AK8: variants seen among roughly 807,000 people sequenced by gnomAD.
The protein encoded by AK8 is adenylate kinase 8.
In AK8, 44 loss-of-function variants were observed where a neutral mutation model predicts 54.6. That is an observed-to-expected ratio of 0.81 (90% CI 0.63 to 1.04). AK8 has a LOEUF of 1.04. Ranked by LOEUF, AK8 falls within the 50% of genes least tolerant of loss-of-function variation. The probability of loss-of-function intolerance (pLI) is 0.00; values close to 1 mark genes in which losing one functional copy is unlikely to be tolerated. For missense variants in AK8, 555 were observed against 613.6 expected (o/e 0.90, Z 1.01); for synonymous variants, 239 against 245.6 (o/e 0.97, Z 0.25).
chr9:132,757,225 C>T (rs903723784), intron 11 of AK8, among the ~76,000 whole-genome samples: 2 of 152,200 alleles, frequency 1.3e-5, no homozygotes, highest in Non-Finnish European at 2.9e-5. Context: ...GGGAGAGAAG[C>T]TTCCACAGCT....
intron 11 of AK8, among the ~76,000 whole-genome samples, chr9:132,787,479 C>T (rs1839763084): frequency 6.6e-6 from 1 of 152,116 alleles, no homozygotes; most frequent in Non-Finnish European, 1.5e-5. Flanking sequence ...AAATCATTTC[C>T]AGCCTATAGT....
At chr9:132,769,257 C>T (rs374167018) in intron 11 of AK8, 3 of 152,454 alleles carry the variant, frequency 2.0e-5, no homozygotes, top group African/African-American at 7.2e-5. Flanking sequence ...GCTCCAGACC[C>T]TTAGCCTCTC....
At position 132,770,002 on chromosome 9, in the gene AK8, G is replaced by A. The variant is rs1312761466; in HGVS notation, c.1121+22632C>T. 6.6e-6 allele frequency: 1 copy of A among 152,086 alleles called. No individual in the cohort carries two copies. The highest frequency in any genetic ancestry group is 2.1e-4 in the South Asian group (1 of 4,832). The allele number at this position is 152,086 out of a possible 1,614,324, so 9.4% of individuals were successfully genotyped here. A position where few individuals can be genotyped will look rare whatever the true frequency, so the allele number is the denominator to read the frequency against. ...CTTACAAGGCTAATTATTGTTGAGCGGAGAGGGGGACTGCTCCCAGGGCTC... is the reference window on the plus strand; with the variant it reads ...CTTACAAGGCTAATTATTGTTGAGCAGAGAGGGGGACTGCTCCCAGGGCTC... On this transcript the variant is annotated intron_variant, in intron 11 of 12. Coordinates refer to ENST00000298545, the MANE Select transcript of AK8 (RefSeq NM_152572.3). This position sits in a 1 kb window ranked among gnomAD's most constrained non-coding sequence, Gnocchi z 4.3.
At chr9:132,801,462 G>A (rs992749358) in intron 10 of AK8, among the ~76,000 whole-genome samples, 3 of 152,222 alleles carry the variant, frequency 2.0e-5, no homozygotes, top group Non-Finnish European at 2.9e-5. Context: ...CGGCCAGTCT[G>A]CATGTGAACT....
At chr9:132,726,766 A>G (rs1836594667) in intron 12 of AK8, among the ~76,000 whole-genome samples, 1 of 152,038 alleles carries the variant, frequency 6.6e-6, no homozygotes, top group Admixed American at 6.6e-5. Context: ...GTTGGGAGAG[A>G]CCGCAGGGAC....
Position 132,828,103 on chromosome 9 carries a change from GA to G in AK8, c.485-20del. The stretch of plus-strand genomic sequence containing the variant: ...AGCACAACTGGGCAGAGAAGAAAAG[GA>G]GCAAAACCAGGCATGTCGGGCAGCG... On this transcript the variant is annotated intron_variant, in intron 6 of 12. Coordinates refer to ENST00000298545, the MANE Select transcript of AK8 (RefSeq NM_152572.3). 1 of 1,562,482 alleles carries G rather than the reference GA, an allele frequency of 6.4e-7. No homozygotes were observed. Among genetic ancestry groups the G allele is most frequent in the Non-Finnish European group, 8.7e-7 (1 of 1,152,410 alleles).
At chr9:132,795,390 G>A (rs1390910270) in intron 10 of AK8, among the ~76,000 whole-genome samples, 2 of 152,162 alleles carry the variant, frequency 1.3e-5, no homozygotes, top group African/African-American at 2.4e-5. Flanking sequence ...GAACTGGGGC[G>A]TGGGGAGCCA....
chr9:132,725,803 T>G lies in AK8; in HGVS notation c.1325A>C (p.Asp442Ala). Residue 442 changes from aspartate to alanine, a missense_variant, in exon 13 of 13, where the codon GAC becomes GCC. By Grantham distance (126) the Asp-to-Ala change is moderately radical. Coordinates refer to ENST00000298545, the MANE Select transcript of AK8 (RefSeq NM_152572.3). ...KMDLFYRNSA[D>A]LEQLYGSAIT... Reference sequence around the variant, plus strand: ...GGCCGACCCATACAACTGCTCCAAGTCAGCTGAGTTCCTGTAGAACAGGTC... The same window carrying G: ...GGCCGACCCATACAACTGCTCCAAGGCAGCTGAGTTCCTGTAGAACAGGTC... 6.2e-7 allele frequency: 1 copy of G among 1,606,022 alleles called. No homozygotes were observed. The highest frequency in any genetic ancestry group is 8.5e-7 in the Non-Finnish European group (1 of 1,176,536).
At chr9:132,764,606 TAGAATC>T (rs1420089310) in intron 11 of AK8, among the ~76,000 whole-genome samples, 1 of 152,062 alleles carries the variant, frequency 6.6e-6, no homozygotes, top group Non-Finnish European at 1.5e-5. Context: ...CCTACCAAGA[TAGAATC>T]AGAAGAAATA....
chr9:132,796,794 C>CAA (rs1402187565), intron 10 of AK8, among the ~76,000 whole-genome samples: 2 of 151,366 alleles, frequency 1.3e-5, no homozygotes, highest in Non-Finnish European at 3.0e-5. Flanking sequence ...CACACACACA[C>CAA]ACACACACAC....
At chr9:132,735,076 A>C (rs1837033665) in intron 11 of AK8, among the ~76,000 whole-genome samples, 1 of 152,178 alleles carries the variant, frequency 6.6e-6, no homozygotes, top group Non-Finnish European at 1.5e-5. Context: ...TGCAATGTGC[A>C]GCCAGGGTTG....
At chr9:132,822,318 T>C (rs1475471056) in intron 9 of AK8, among the ~76,000 whole-genome samples, 3 of 148,754 alleles carry the variant, frequency 2.0e-5, no homozygotes, top group African/African-American at 7.4e-5. Flanking sequence ...CATATATGTG[T>C]ATGTATATAC....
chr9:132,809,982 G>A (rs557052057), intron 10 of AK8, among the ~76,000 whole-genome samples: 5 of 152,352 alleles, frequency 3.3e-5, no homozygotes, highest in South Asian at 4.1e-4. Context: ...TTCAGCTGGC[G>A]GTGAAGTGGG....
At chr9:132,778,641 C>T (rs923631227) in intron 11 of AK8, among the ~76,000 whole-genome samples, 5 of 152,150 alleles carry the variant, frequency 3.3e-5, no homozygotes, top group African/African-American at 1.2e-4. Flanking sequence ...AATGTGTTGT[C>T]CCCCAAAAGA....
chr9:132,746,854 A>T (rs1196414837), intron 11 of AK8, among the ~76,000 whole-genome samples: 1 of 152,240 alleles, frequency 6.6e-6, no homozygotes, highest in Non-Finnish European at 1.5e-5. Flanking sequence ...AAGTAAGTTC[A>T]CTTGGTCTAA....
chr9:132,802,300 C>T (rs1284968185), intron 10 of AK8, among the ~76,000 whole-genome samples: 2 of 152,210 alleles, frequency 1.3e-5, no homozygotes, highest in African/African-American at 4.8e-5. Context: ...GCCTTCTTTG[C>T]TACTCCTCCC....
chr9:132,740,716 C>G (rs1247348949), intron 11 of AK8, among the ~76,000 whole-genome samples: 1 of 152,144 alleles, frequency 6.6e-6, no homozygotes, highest in Admixed American at 6.5e-5. Context: ...TGAGCACCCC[C>G]CCGCCCCACT....
chr9:132,853,487 A>G (rs1284489884), intron 5 of AK8, among the ~76,000 whole-genome samples: 1 of 152,146 alleles, frequency 6.6e-6, no homozygotes, highest in Non-Finnish European at 1.5e-5. Flanking sequence ...TTTTTCATAG[A>G]AACCACAGTG....
chr9:132,798,485 T>C (rs1189052644), intron 10 of AK8, among the ~76,000 whole-genome samples: 2 of 152,088 alleles, frequency 1.3e-5, no homozygotes, highest in African/African-American at 4.8e-5. Flanking sequence ...CAGACAGAGA[T>C]TTTTCAGTGC....
Sources: gnomAD v4.1 joint callset for allele counts (sites outside exome capture counted in the v4.1 genomes callset) on GRCh38, gnomAD v4.1.1 for gene constraint, Gnocchi (gnomAD v3.1) non-coding constraint, MANE v1.5 for transcripts, NCBI Gene and HGNC (gene_info 2026-07-23, HGNC 2026-07-21) for gene names.